Variants in PNKD observed in about 807,000 individuals in gnomAD.
The protein encoded by PNKD is PNKD metallo-beta-lactamase domain containing.
In PNKD, 36 loss-of-function variants were observed where a neutral mutation model predicts 45.3. The observed-to-expected ratio is 0.80, with a 90% CI of 0.61 to 1.05. PNKD has a LOEUF of 1.05. Ranked by LOEUF, PNKD falls within the 50% of genes least tolerant of loss-of-function variation. The probability of loss-of-function intolerance (pLI) is 0.00; values close to 1 mark genes in which losing one functional copy is unlikely to be tolerated. For missense variants in PNKD, 511 were observed against 506.6 expected, an observed-to-expected ratio of 1.01 and a Z score of -0.08; for synonymous variants, 197 against 210.1, an observed-to-expected ratio of 0.94 and a Z score of 0.54.
chr2:218,308,938 C>G (rs570813006), intron 2 of PNKD, among the ~76,000 whole-genome samples: 1 of 152,148 alleles, frequency 6.6e-6, no homozygotes, highest in East Asian at 1.9e-4. Flanking sequence ...CTCTCTTTCT[C>G]TCTTTCTCCT....
rs776096607 is a variant in PNKD at position 218,278,016 on chromosome 2, C to T, written c.236+6467C>T. 3 of 1,611,526 alleles carry T rather than the reference C, an allele frequency of 1.9e-6. No homozygotes were observed. In the East Asian group the frequency reaches 6.7e-5, roughly 36 times the overall value. ...GCCTTGATTAAATGACTTGGGGCCC[C>T]TCAGGCGTCAGAGGCTCCTACAGCA... is the stretch of plus-strand genomic sequence containing the variant. On this transcript the variant is annotated intron_variant, in intron 2 of 9. Coordinates refer to ENST00000273077, the MANE Select transcript of PNKD (RefSeq NM_015488.5).
Position 218,278,652 on chromosome 2 carries a change from T to C in PNKD, c.236+7103T>C, listed in dbSNP as rs988397806. The C allele has an allele frequency of 1.2e-5, 18 of 1,460,636 alleles. No homozygotes were observed. In the African/African-American group the frequency reaches 2.1e-4, roughly 17 times the overall value. 90.5% of individuals were successfully genotyped at this position (1,460,636 alleles called of 1,614,324 possible). A position where few individuals can be genotyped will look rare whatever the true frequency, so the allele number is the denominator to read the frequency against. ...CCAGGCCAGTGATTTGGGGCCCAAA[T>C]AGCCGTTTGGAAGTCTGAGGGGAAG... is the stretch of plus-strand genomic sequence containing the variant. On this transcript the variant is annotated intron_variant, in intron 2 of 9. Coordinates refer to ENST00000273077, the MANE Select transcript of PNKD (RefSeq NM_015488.5).
rs1347604087 is a variant in PNKD at position 218,346,383 on chromosome 2, A to G, written c.*1402A>G. The G allele has an allele frequency of 2.6e-5, 4 of 153,236 alleles. No homozygotes were observed. Among genetic ancestry groups the G allele is most frequent in the Admixed American group, 2.0e-4 (3 of 15,292 alleles). 9.5% of individuals were successfully genotyped at this position (153,236 alleles called of 1,614,324 possible). ...GCCACAGCCTCTAGTACACTTTAGC[A>G]ATACCACCAGACTAGTTAGAGTTCC... On this transcript the variant is annotated 3_prime_UTR_variant, in exon 10 of 10. Coordinates refer to ENST00000273077, the MANE Select transcript of PNKD (RefSeq NM_015488.5).
Position 218,307,633 on chromosome 2 carries a change from C to T in PNKD, c.237-32150C>T, listed in dbSNP as rs558875913. ...GCCTGTCCTGCTGTGTGGCCTGGCTCCTAACAGACCAAGGACCAGTATAGG... is the reference window on the plus strand; with the variant it reads ...GCCTGTCCTGCTGTGTGGCCTGGCTTCTAACAGACCAAGGACCAGTATAGG... On this transcript the variant is annotated intron_variant, in intron 2 of 9. Transcript: ENST00000273077. 2.0e-5 allele frequency among the ~76,000 whole-genome samples: 3 copies of T among 152,196 alleles called. No homozygotes were observed. In the East Asian group the frequency reaches 5.8e-4, roughly 29 times the overall value.
At chr2:218,323,415 C>T (rs1694052063) in intron 2 of PNKD, 3 of 1,570,586 alleles carry the variant, frequency 1.9e-6, no homozygotes, top group Non-Finnish European at 1.7e-6. Flanking sequence ...CAGCCAGCGG[C>T]TGCTCTTCCG....
intron 7 of PNKD, 30 bp from the exon 8 acceptor site, chr2:218,343,470 C>A: frequency 1.9e-6 from 3 of 1,570,398 alleles, no homozygotes; most frequent in South Asian, 2.2e-5. Flanking sequence ...ATCCTGGCAC[C>A]TTGTGACATA....
intron 2 of PNKD, chr2:218,280,167 CAT>C (rs781379731): frequency 2.8e-6 from 4 of 1,433,732 alleles, no homozygotes; most frequent in Admixed American, 3.4e-5. Flanking sequence ...GGACCTGAGA[CAT>C]GTGGCGTCAA....
At chr2:218,277,940 G>C in intron 2 of PNKD, 1 of 1,614,196 alleles carries the variant, frequency 6.2e-7, no homozygotes, top group Non-Finnish European at 8.5e-7. Flanking sequence ...CTTACAAAAA[G>C]GGTCAGCAGA....
chr2:218,271,252 T>G, intron 1 of PNKD, 129 bp from the exon 2 acceptor site: 1 of 846,420 alleles, frequency 1.2e-6, no homozygotes, highest in Non-Finnish European at 2.1e-6. Flanking sequence ...TTGGCACTTC[T>G]TACTTCAGAC....
At chr2:218,297,248 A>G (rs769976578) in intron 2 of PNKD, among the ~76,000 whole-genome samples, 1 of 152,212 alleles carries the variant, frequency 6.6e-6, no homozygotes, top group Non-Finnish European at 1.5e-5. Context: ...AATTGGCCTT[A>G]TTATTCATAA....
chr2:218,331,629 G>A (rs931040830), intron 2 of PNKD, among the ~76,000 whole-genome samples: 3 of 151,884 alleles, frequency 2.0e-5, no homozygotes, highest in Non-Finnish European at 2.9e-5. Context: ...CATCATGCCC[G>A]GCTAATTTTT....
chr2:218,310,444 G>C (rs183170612), intron 2 of PNKD, among the ~76,000 whole-genome samples: 60 of 151,084 alleles, frequency 4.0e-4, no homozygotes, highest in African/African-American at 1.3e-3. Flanking sequence ...GGCTGGTCTC[G>C]AACTCCTGAC....
intron 2 of PNKD, chr2:218,273,090 C>T (rs1298867278): frequency 5.9e-6 from 3 of 508,146 alleles, no homozygotes; most frequent in Non-Finnish European, 9.6e-6. Context: ...CCAGCCTAGG[C>T]CCCGGGCCCT....
In PNKD at chr2:218,345,655, G is replaced by A. The variant is rs1311252516; in HGVS notation, c.*674G>A. On this transcript the variant is annotated 3_prime_UTR_variant, in exon 10 of 10. Transcript: ENST00000273077. ...AAGAAGGAGGGTCCTGATTGCCAAG[G>A]AAACCTCCTCATTGGGCTAAGGAGA... 3 of 151,550 alleles carry A rather than the reference G, an allele frequency of 2.0e-5. No homozygotes were observed. The East Asian group carries it at 5.9e-4, about 30-fold the overall frequency. The allele number at this position is 151,550 out of a possible 1,614,324, so 9.4% of individuals were successfully genotyped here.
At chr2:218,324,055 T>C (rs1383360656) in intron 2 of PNKD, among the ~76,000 whole-genome samples, 1 of 152,172 alleles carries the variant, frequency 6.6e-6, no homozygotes, top group Non-Finnish European at 1.5e-5. Context: ...CAACTGACTC[T>C]GCCCACTTTT....
At chr2:218,282,771 G>A (rs997039027) in intron 2 of PNKD, among the ~76,000 whole-genome samples, 8 of 152,218 alleles carry the variant, frequency 5.3e-5, no homozygotes, top group Middle Eastern at 3.2e-3. Flanking sequence ...CCAGGGACCC[G>A]GGGGCCAGTG....
intron 2 of PNKD, among the ~76,000 whole-genome samples, chr2:218,323,947 C>G (rs1694068546): frequency 2.6e-5 from 4 of 152,224 alleles, no homozygotes; most frequent in African/African-American, 7.2e-5. Context: ...GTTCTTCTGT[C>G]CCAAGCAAGA....
intron 2 of PNKD, chr2:218,323,187 A>T: frequency 1.4e-6 from 2 of 1,381,886 alleles, no homozygotes; most frequent in Non-Finnish European, 1.9e-6. Flanking sequence ...GCCGGCAGGC[A>T]GGTTCCCCGC....
At chr2:218,272,083 TGAGCTAG>T (rs748590171) in intron 2 of PNKD, among the ~76,000 whole-genome samples, 188 of 152,370 alleles carry the variant, frequency 1.2e-3, no homozygotes, top group Non-Finnish European at 2.4e-3. Flanking sequence ...GAACTGAGAC[TGAGCTAG>T]GATTCTCACC....
Sources: allele counts gnomAD v4.1 joint callset (sites outside exome capture counted in the v4.1 genomes callset), GRCh38; gene constraint gnomAD v4.1.1; transcripts MANE v1.5; gene names NCBI Gene and HGNC (gene_info 2026-07-23, HGNC 2026-07-21).